The following FAM222A variants were observed in gnomAD, a reference collection of about 807,000 sequenced individuals.
FAM222A encodes the protein family with sequence similarity 222 member A.
A neutral mutation model predicts 25.8 loss-of-function variants in FAM222A; 7 were observed. That is an observed-to-expected ratio of 0.27 (90% CI 0.15 to 0.51). FAM222A has a LOEUF of 0.51. FAM222A is among the 20% of genes least tolerant of loss of function. FAM222A has a pLI of 0.97. For missense variants in FAM222A, 573 were observed against 640.5 expected (o/e 0.89, Z 1.14); for synonymous variants, 294 against 298.8 (o/e 0.98, Z 0.17).
intron 2 of FAM222A, among the ~76,000 whole-genome samples, chr12:109,761,802 G>A (rs949009112): frequency 1.3e-5 from 2 of 152,080 alleles, no homozygotes; most frequent in Admixed American, 6.5e-5. Flanking sequence ...CCAGCAGCCT[G>A]GGGGGTCGTA....
chr12:109,760,384 G>T (rs1888859498), intron 2 of FAM222A, among the ~76,000 whole-genome samples: 1 of 152,190 alleles, frequency 6.6e-6, no homozygotes, highest in South Asian at 2.1e-4. Flanking sequence ...CAGTGTGAGA[G>T]AATGGGCCCG....
chr12:109,749,966 C>T (rs1029383519), intron 2 of FAM222A, among the ~76,000 whole-genome samples: 1 of 152,166 alleles, frequency 6.6e-6, no homozygotes, highest in Non-Finnish European at 1.5e-5. Context: ...GACTCATATA[C>T]TATAGAGTTG....
chr12:109,726,490 G>A (rs1022010667), intron 1 of FAM222A, among the ~76,000 whole-genome samples: 1 of 152,252 alleles, frequency 6.6e-6, no homozygotes, highest in African/African-American at 2.4e-5. Context: ...TGCAGAGCCT[G>A]TAACCATTGT....
chr12:109,737,671 A>G (rs1341281053), intron 1 of FAM222A, among the ~76,000 whole-genome samples: 2 of 151,868 alleles, frequency 1.3e-5, no homozygotes, highest in Non-Finnish European at 2.9e-5. Context: ...CAGGCCCCTT[A>G]TCCACAGCCA....
Position 109,714,199 on chromosome 12 carries a change from G to A in FAM222A, c.-745G>A. 9.7e-6 allele frequency: 2 copies of A among 205,592 alleles called. No individual in the cohort carries two copies. Among genetic ancestry groups the A allele is most frequent in the Non-Finnish European group, 1.9e-5 (2 of 103,290 alleles). 12.7% of individuals were successfully genotyped at this position (205,592 alleles called of 1,614,324 possible). Reference sequence around the variant, plus strand: ...GGCTGCATCCGAGCTTGCGTCGCCCGCTGCCGCCGCCGCCGCCGCTGCCGC... The same window carrying A: ...GGCTGCATCCGAGCTTGCGTCGCCCACTGCCGCCGCCGCCGCCGCTGCCGC... On this transcript the variant is annotated 5_prime_UTR_variant, in exon 1 of 3. Coordinates refer to ENST00000538780, the MANE Select transcript of FAM222A (RefSeq NM_032829.3). This position sits in a 1 kb window ranked among gnomAD's most constrained non-coding sequence, Gnocchi z 4.2.
intron 1 of FAM222A, among the ~76,000 whole-genome samples, chr12:109,718,183 G>A (rs1426049150): frequency 6.6e-6 from 1 of 152,140 alleles, no homozygotes; most frequent in African/African-American, 2.4e-5. Context: ...CTCCTCCTCA[G>A]AACGGAGCCT....
intron 2 of FAM222A, chr12:109,744,817 A>G (rs973894753): frequency 1.0e-4 from 99 of 979,142 alleles, no homozygotes; most frequent in Non-Finnish European, 1.1e-4. Context: ...ATGGATTTCT[A>G]CTATCTCTTG....
Position 109,750,210 on chromosome 12 carries a change from TTC to T in FAM222A, c.82+5986_82+5987del, listed in dbSNP as rs377253162. ...TTCTAATGGTATAACTATTCCTTAA[TTC>T]TCTTAGAATAGTATCTGTTATTTTC... On this transcript the variant is annotated intron_variant, in intron 2 of 2. Transcript: ENST00000538780. 3.2e-3 allele frequency among the ~76,000 whole-genome samples: 490 copies of T among 152,372 alleles called. 6 individuals carry two copies. The highest frequency in any genetic ancestry group is 8.6e-3 in the African/African-American group (356 of 41,588).
intron 2 of FAM222A, among the ~76,000 whole-genome samples, chr12:109,754,902 C>T (rs1888674316): frequency 6.6e-6 from 1 of 152,080 alleles, no homozygotes; most frequent in African/African-American, 2.4e-5. Context: ...GAACTCTTGC[C>T]TCAAGTGATC....
At position 109,753,386 on chromosome 12, in the gene FAM222A, C is replaced by T. The variant is rs76916203; in HGVS notation, c.82+9158C>T. Among the ~76,000 whole-genome samples the T allele has an allele frequency of 9.7e-3, 1,478 of 152,276 alleles. 21 individuals carry two copies. Among genetic ancestry groups the T allele is most frequent in the African/African-American group, 0.034 (1,418 of 41,528 alleles). On this transcript the variant is annotated intron_variant, in intron 2 of 2. Coordinates refer to ENST00000538780, the MANE Select transcript of FAM222A (RefSeq NM_032829.3). The stretch of plus-strand genomic sequence containing the variant: ...AACCCCTAGGGCACAGGCTTTGGGA[C>T]TGTCTAAGGGTCAAATACAGAGAGT...
At chr12:109,765,277 G>A (rs1170243290) in intron 2 of FAM222A, among the ~76,000 whole-genome samples, 3 of 152,210 alleles carry the variant, frequency 2.0e-5, no homozygotes, top group African/African-American at 7.2e-5. Context: ...TGGCATCCCA[G>A]GCCATGACCC....
At chr12:109,752,019 G>A (rs1327050635) in intron 2 of FAM222A, among the ~76,000 whole-genome samples, 1 of 152,182 alleles carries the variant, frequency 6.6e-6, no homozygotes, top group Non-Finnish European at 1.5e-5. Context: ...TTCCTGTAAT[G>A]AACATCTTTG....
At chr12:109,731,933 G>A (rs1887956328) in intron 1 of FAM222A, among the ~76,000 whole-genome samples, 1 of 152,222 alleles carries the variant, frequency 6.6e-6, no homozygotes, top group South Asian at 2.1e-4. Context: ...GTCTGGCCTT[G>A]GAGTAGAAAG....
chr12:109,741,184 C>T (rs577104847), intron 1 of FAM222A, among the ~76,000 whole-genome samples: 1 of 152,268 alleles, frequency 6.6e-6, no homozygotes, highest in African/African-American at 2.4e-5. Flanking sequence ...GGACACCCCA[C>T]CACCCTGCCA....
At chr12:109,764,856 A>G (rs924682734) in intron 2 of FAM222A, among the ~76,000 whole-genome samples, 5 of 152,160 alleles carry the variant, frequency 3.3e-5, no homozygotes, top group East Asian at 3.9e-4. Context: ...TTTAAATCCA[A>G]TCTCGGAGAA....
In FAM222A at chr12:109,768,540, A is replaced by G. The variant is rs1165799916; in HGVS notation, c.611A>G (p.Tyr204Cys). 6.2e-7 allele frequency: 1 copy of G among 1,603,866 alleles called. No homozygotes were observed. Among genetic ancestry groups the G allele is most frequent in the Non-Finnish European group, 8.5e-7 (1 of 1,176,330 alleles). The change falls in exon 3 of 3, where the codon TAC becomes TGC. Residue 204 changes from tyrosine (Y) to cysteine (C), a missense_variant. By Grantham distance (194) the Tyr-to-Cys change is radical (BLOSUM62 -2). This residue lies in a region of FAM222A where 412 missense variants were observed against 407.0 expected (regional missense o/e 1.01). Coordinates refer to ENST00000538780, the MANE Select transcript of FAM222A (RefSeq NM_032829.3). ...CTGCCCTCCATCCACAGCCTCCTGT[A>G]CCAGCTCAACCAGCAGTGCCAGGCC... is the stretch of plus-strand genomic sequence containing the variant. ...SNLPSIHSLL[Y>C]QLNQQCQAPG...
chr12:109,718,246 A>C lies in FAM222A; in HGVS notation c.-47+3349A>C, dbSNP rs992754652. On this transcript the variant is annotated intron_variant, in intron 1 of 2. Coordinates refer to ENST00000538780, the MANE Select transcript of FAM222A (RefSeq NM_032829.3). The stretch of plus-strand genomic sequence containing the variant: ...GGTTGAAGACCCCATTTGCAGGGAG[A>C]GGCCCGAACTCTACCAGCTATCTCT... Among the ~76,000 whole-genome samples the C allele has an allele frequency of 2.0e-5, 3 of 152,296 alleles. No individual in the cohort carries two copies. The South Asian group carries it at 6.2e-4, about 32-fold the overall frequency.
chr12:109,744,229 G>A lies in FAM222A; in HGVS notation c.82+1G>A. 6.2e-7 allele frequency: 1 copy of A among 1,612,570 alleles called. No homozygotes were observed. The highest frequency in any genetic ancestry group is 1.7e-4 in the Middle Eastern group (1 of 6,060). On this transcript the variant is annotated splice_donor_variant, in intron 2 of 2. Transcript: ENST00000538780. LOFTEE classifies it high-confidence loss of function. The stretch of plus-strand genomic sequence containing the variant: ...AGCAAGAGCCTGGAGCTGCGCAAGT[G>A]TGAGTAGGACGCCTCCCCAGCCTTT...
intron 1 of FAM222A, among the ~76,000 whole-genome samples, chr12:109,730,784 G>A (rs559599997): frequency 6.6e-6 from 1 of 152,256 alleles, no homozygotes; most frequent in East Asian, 1.9e-4. Context: ...TTGGGGCCTT[G>A]TCCCTGGCAT....
Sources: allele counts gnomAD v4.1 joint callset (sites outside exome capture counted in the v4.1 genomes callset), GRCh38; gene constraint gnomAD v4.1.1; regional missense constraint gnomAD v4.1.1; non-coding constraint Gnocchi (gnomAD v3.1); transcripts MANE v1.5; gene names NCBI Gene and HGNC (gene_info 2026-07-23, HGNC 2026-07-21).